IL11RA: variants seen among roughly 807,000 people sequenced by gnomAD.
IL11RA encodes the protein interleukin-11 receptor subunit alpha.
Under a neutral mutation model 57.0 loss-of-function variants are expected in IL11RA, and 51 were observed. The observed-to-expected ratio is 0.89, with a 90% CI of 0.71 to 1.13. The LOEUF (loss-of-function observed/expected upper bound fraction) is 1.13, where lower values mean the gene tolerates loss of function less well. Among genes scored for constraint, IL11RA ranks in the 50% most tolerant of loss-of-function variants. IL11RA has a pLI of 0.00. For synonymous variants in IL11RA, 199 were observed against 217.5 expected (o/e 0.91, Z 0.75); for missense variants, 498 against 539.4 (o/e 0.92, Z 0.76).
At position 34,661,823 on chromosome 9, in the gene IL11RA, C is replaced by T. The variant is rs1821463446; in HGVS notation, c.*325C>T. On this transcript the variant is annotated 3_prime_UTR_variant, in exon 13 of 13. Transcript: ENST00000441545. The stretch of plus-strand genomic sequence containing the variant: ...CTGGGGAGTGTGTGTGGGTCCTTGG[C>T]TCTTGGCCTTTCCCCTTGCAGGGGT... The T allele has an allele frequency of 2.5e-6, 3 of 1,190,462 alleles. No homozygotes were observed. Among genetic ancestry groups the T allele is most frequent in the East Asian group, 2.3e-5 (1 of 42,956 alleles). The allele number at this position is 1,190,462 out of a possible 1,614,324, so 73.7% of individuals were successfully genotyped here.
rs1821461434 is a variant in IL11RA at position 34,661,732 on chromosome 9, TCCATGTGTGA to T, written c.*243_*252del. ...AACGTGTGTAATGTGTACATCTGTG[TCCATGTGTGA>T]CCATGTGTCTGTGAGGCAGGGAACA... On this transcript the variant is annotated 3_prime_UTR_variant, in exon 13 of 13. Transcript: ENST00000441545. The T allele has an allele frequency of 1.4e-6, 1 of 699,220 alleles. No homozygotes were observed. The highest frequency in any genetic ancestry group is 2.5e-6 in the Non-Finnish European group (1 of 401,012). 43.3% of individuals were successfully genotyped at this position (699,220 alleles called of 1,614,324 possible). A position where few individuals can be genotyped will look rare whatever the true frequency, so the allele number is the denominator to read the frequency against.
intron 11 of IL11RA, 63 bp from the exon 12 acceptor site, chr9:34,660,791 C>A: frequency 1.4e-6 from 2 of 1,445,782 alleles, no homozygotes; most frequent in South Asian, 1.1e-5. Context: ...TACTAATAAA[C>A]CCTTTGGCGG....
Position 34,657,409 on chromosome 9 carries a change from C to T in IL11RA, c.480-12C>T, listed in dbSNP as rs747673752. 8 of 1,614,018 alleles carry T rather than the reference C, an allele frequency of 5.0e-6. No homozygotes were observed. In the East Asian group the frequency reaches 1.8e-4, roughly 36 times the overall value. ...GCATTTTCAAAGCCAAAGACCACAT[C>T]CTCCCTTCTAGGAGGAGTCCATCCA... On this transcript the variant is annotated splice_polypyrimidine_tract_variant and intron_variant, in intron 6 of 12. Coordinates refer to ENST00000441545, the MANE Select transcript of IL11RA (RefSeq NM_001142784.3).
chr9:34,655,552 A>G (rs1821327313), intron 2 of IL11RA, 53 bp from the exon 3 acceptor site: 1 of 1,541,050 alleles, frequency 6.5e-7, no homozygotes, highest in Admixed American at 1.7e-5. Flanking sequence ...TCATTCTCAC[A>G]AAGTGGGGAG....
chr9:34,658,702 C>G lies in IL11RA; in HGVS notation c.810+19C>G, dbSNP rs757583574. On this transcript the variant is annotated intron_variant, in intron 8 of 12. Coordinates refer to ENST00000441545, the MANE Select transcript of IL11RA (RefSeq NM_001142784.3). This position sits in a 1 kb window ranked among gnomAD's most constrained non-coding sequence, Gnocchi z 4.0. ...GTCCACGGTGAGGCCTGGAGTGCGT[C>G]CCAACCCACGGCTGTGGGTCCTGTC... is the stretch of plus-strand genomic sequence containing the variant. The G allele has an allele frequency of 1.4e-5, 22 of 1,609,050 alleles. No individual in the cohort carries two copies. The highest frequency in any genetic ancestry group is 3.3e-5 in the South Asian group (3 of 91,088).
intron 1 of IL11RA, among the ~76,000 whole-genome samples, chr9:34,654,454 C>T (rs1193976426): frequency 1.3e-5 from 2 of 152,166 alleles, no homozygotes; most frequent in East Asian, 3.9e-4. Context: ...CCCTCCCCGC[C>T]ACCCTGTCTC....
Position 34,659,753 on chromosome 9 carries a change from C to G in IL11RA, c.811-6C>G. 3 of 1,614,108 alleles carry G rather than the reference C, an allele frequency of 1.9e-6. No individual in the cohort carries two copies. The highest frequency in any genetic ancestry group is 2.5e-6 in the Non-Finnish European group (3 of 1,180,010). ...CTGGGTAACAGTGAGTCATGTTTAC[C>G]CCCAGGTGGAGCCAGCTGGACTGGA... is the stretch of plus-strand genomic sequence containing the variant. On this transcript the variant is annotated splice_polypyrimidine_tract_variant and splice_region_variant and intron_variant, in intron 8 of 12. Transcript: ENST00000441545.
chr9:34,657,035 AC>A lies in IL11RA; in HGVS notation c.335del (p.Pro112LeufsTer43). ...LGGTVTLQLG[Y>X]PPARPVVSCQ... ...CTCCAGGTGTACCCTCTGCCTCTAGACCCTCCAGCCCGCCCTGTTGTCTCCT... is the reference window on the plus strand; with the variant it reads ...CTCCAGGTGTACCCTCTGCCTCTAGACCTCCAGCCCGCCCTGTTGTCTCCT... On this transcript the variant is annotated frameshift_variant and splice_region_variant, in exon 5 of 13. Coordinates refer to ENST00000441545, the MANE Select transcript of IL11RA (RefSeq NM_001142784.3). LOFTEE classifies it high-confidence loss of function. 6.2e-7 allele frequency: 1 copy of A among 1,613,758 alleles called. No homozygotes were observed. The highest frequency in any genetic ancestry group is 1.1e-5 in the South Asian group (1 of 91,066).
In IL11RA at chr9:34,656,807, A is replaced by G; in HGVS notation, c.230A>G (p.His77Arg). ...LLQGPDSGLGHELVLAQADST... is the reference protein window; with the variant it reads ...LLQGPDSGLGRELVLAQADST... The stretch of plus-strand genomic sequence containing the variant: ...CAGGGACCTGACTCTGGGCTAGGGC[A>G]TGAACTGGTCCTGGCCCAGGCAGAC... The change falls in exon 4 of 13, where the codon CAT becomes CGT. Residue 77 changes from histidine to arginine, a missense_variant. Coordinates refer to ENST00000441545, the MANE Select transcript of IL11RA (RefSeq NM_001142784.3). The G allele has an allele frequency of 1.2e-6, 2 of 1,614,174 alleles. No homozygotes were observed. Among genetic ancestry groups the G allele is most frequent in the South Asian group, 2.2e-5 (2 of 91,080 alleles).
At position 34,658,571 on chromosome 9, in the gene IL11RA, C is replaced by A. The variant is rs772519921; in HGVS notation, c.698C>A (p.Pro233His). ...CGGGTAGAGTCAGTACCAGGTTACC[C>A]CCGACGCCTGCGAGCCAGCTGGACA... ...GLRVESVPGY[P>H]RRLRASWTYP... Residue 233 changes from proline to histidine, a missense_variant, in exon 8 of 13, where the codon CCC becomes CAC. Pro to His is a moderately conservative substitution (Grantham distance 77). Coordinates refer to ENST00000441545, the MANE Select transcript of IL11RA (RefSeq NM_001142784.3). This position sits in a 1 kb window ranked among gnomAD's most constrained non-coding sequence, Gnocchi z 4.0. The A allele has an allele frequency of 6.2e-7, 1 of 1,614,038 alleles. No individual in the cohort carries two copies. The highest frequency in any genetic ancestry group is 2.2e-5 in the East Asian group (1 of 44,890).
Position 34,660,990 on chromosome 9 carries a change from G to A in IL11RA, c.1252+54G>A. Reference sequence around the variant, plus strand: ...TTGGAGATGTTTGCCCCTATTTTGAGTGTCCAGATTAAGAGCTGGCTGCCC... The same window carrying A: ...TTGGAGATGTTTGCCCCTATTTTGAATGTCCAGATTAAGAGCTGGCTGCCC... On this transcript the variant is annotated intron_variant, in intron 12 of 12. Transcript: ENST00000441545. 8 of 1,423,664 alleles carry A rather than the reference G, an allele frequency of 5.6e-6. No individual in the cohort carries two copies. The South Asian group carries it at 8.0e-5, about 14-fold the overall frequency. 88.2% of individuals were successfully genotyped at this position (1,423,664 alleles called of 1,614,324 possible).
chr9:34,661,227 C>T (rs1456018843), intron 12 of IL11RA, among the ~76,000 whole-genome samples: 1 of 151,568 alleles, frequency 6.6e-6, no homozygotes, highest in Non-Finnish European at 1.5e-5. Context: ...AGACTCAGAG[C>T]TGGATATTCA....
At chr9:34,655,088 T>G in intron 1 of IL11RA, 130 bp from the exon 2 acceptor site, 1 of 723,026 alleles carries the variant, frequency 1.4e-6, no homozygotes, top group Non-Finnish European at 2.5e-6. Flanking sequence ...CCCGCAGTGA[T>G]TTCTAACAGC....
Position 34,660,908 on chromosome 9 carries a change from C to G in IL11RA, c.1224C>G (p.Ala408=). Residue 408 remains alanine, a synonymous_variant, in exon 12 of 13, where the codon GCC becomes GCG. Coordinates refer to ENST00000441545, the MANE Select transcript of IL11RA (RefSeq NM_001142784.3). ...KDGSPKPGFL[A]SVIPVDRRPG... is the part of the protein sequence containing the mutation. ...GATCCCCAAAGCCTGGGTTCTTGGC[C>G]TCAGTGATTCCAGTGGACAGGCGTC... 6.2e-7 allele frequency: 1 copy of G among 1,614,144 alleles called. No individual in the cohort carries two copies. The highest frequency in any genetic ancestry group is 8.5e-7 in the Non-Finnish European group (1 of 1,179,986).
Position 34,660,009 on chromosome 9 carries a change from C to T in IL11RA, c.952+109C>T, listed in dbSNP as rs1389806547. On this transcript the variant is annotated intron_variant, in intron 9 of 12. Transcript: ENST00000441545. ...GGCACATGCCCTGCCCACACAGGCACGGCAATTGCTGTCCCAGACTTCAGA... is the reference window on the plus strand; with the variant it reads ...GGCACATGCCCTGCCCACACAGGCATGGCAATTGCTGTCCCAGACTTCAGA... 46 of 1,387,052 alleles carry T rather than the reference C, an allele frequency of 3.3e-5. No individual in the cohort carries two copies. In the East Asian group the frequency reaches 6.4e-4, roughly 19 times the overall value. The allele number at this position is 1,387,052 out of a possible 1,614,324, so 85.9% of individuals were successfully genotyped here.
intron 1 of IL11RA, chr9:34,654,982 GGTGTGTGTGTCCGTGTGTGTGT>G (rs1186254344): frequency 1.2e-5 from 6 of 507,758 alleles, no homozygotes; most frequent in Non-Finnish European, 2.2e-5. Flanking sequence ...GGTGTGAGGG[GGTGTGTGTGTCCGTGTGTGTGT>G]GTGTGTGTGT....
At chr9:34,656,026 A>T in intron 3 of IL11RA, 1 of 305,112 alleles carries the variant, frequency 3.3e-6, no homozygotes, top group Non-Finnish European at 6.4e-6. Flanking sequence ...AGGACAACTG[A>T]GTGGTTACTT....
chr9:34,654,219 C>T (rs1821300146), intron 1 of IL11RA, among the ~76,000 whole-genome samples: 1 of 152,090 alleles, frequency 6.6e-6, no homozygotes, highest in Non-Finnish European at 1.5e-5. Context: ...CCTTCTGCTC[C>T]CCCTTGTCCA....
At position 34,661,891 on chromosome 9, in the gene IL11RA, T is replaced by C; in HGVS notation, c.*393T>C. On this transcript the variant is annotated 3_prime_UTR_variant, in exon 13 of 13. Transcript: ENST00000441545. The stretch of plus-strand genomic sequence containing the variant: ...AGAGAATAAGGAAGTTCTTGGAGAT[T>C]ATACTCAGAAATTATTATCCAATGC... 6.3e-7 allele frequency: 1 copy of C among 1,599,954 alleles called. No homozygotes were observed. The highest frequency in any genetic ancestry group is 8.6e-7 in the Non-Finnish European group (1 of 1,168,684).
Sources: gnomAD v4.1 joint callset for allele counts (sites outside exome capture counted in the v4.1 genomes callset) on GRCh38, gnomAD v4.1.1 for gene constraint, Gnocchi (gnomAD v3.1) non-coding constraint, MANE v1.5 for transcripts, NCBI Gene and HGNC (gene_info 2026-07-23, HGNC 2026-07-21) for gene names.